Variants in WDR70 observed in about 807,000 individuals in gnomAD.
The protein encoded by WDR70 is WD repeat domain 70.
A neutral mutation model predicts 88.6 loss-of-function variants in WDR70; 53 were observed. That is an observed-to-expected ratio of 0.60 (90% CI 0.48 to 0.75). WDR70 has a LOEUF of 0.75. WDR70 is among the 30% of genes least tolerant of loss of function. The pLI, the probability that WDR70 is intolerant of heterozygous loss-of-function variation, is 0.00. For missense variants in WDR70, 610 were observed against 823.2 expected (o/e 0.74, Z 3.17); for synonymous variants, 280 against 270.0 (o/e 1.04, Z -0.36).
At chr5:37,442,045 T>C (rs1750671133) in intron 6 of WDR70, among the ~76,000 whole-genome samples, 1 of 150,782 alleles carries the variant, frequency 6.6e-6, no homozygotes, top group East Asian at 2.0e-4. Context: ...TTTTTTTTTT[T>C]TTTTTTTTTT....
In WDR70 at chr5:37,514,341, T is replaced by TACATAC. The variant is rs1359785100; in HGVS notation, c.841-2172_841-2171insCATACA. ...ACATTATGGCATATTTAGAACTACA[T>TACATAC]ATATATATATATATATATGTATGTA... On this transcript the variant is annotated intron_variant, in intron 8 of 17. Coordinates refer to ENST00000265107, the MANE Select transcript of WDR70 (RefSeq NM_018034.4). Among the ~76,000 whole-genome samples, 18 of 71,894 alleles carry TACATAC rather than the reference T, an allele frequency of 2.5e-4. 1 individual carries two copies. The highest frequency in any genetic ancestry group is 5.8e-4 in the African/African-American group (17 of 29,552). The allele number at this position is 71,894 out of a possible 152,430, so 47.2% of individuals were successfully genotyped here. A position where few individuals can be genotyped will look rare whatever the true frequency, so the allele number is the denominator to read the frequency against.
At chr5:37,692,077 C>A (rs1746813339) in intron 10 of WDR70, among the ~76,000 whole-genome samples, 1 of 152,166 alleles carries the variant, frequency 6.6e-6, no homozygotes, top group South Asian at 2.1e-4. Flanking sequence ...ACTATAAACA[C>A]CTCTGCACAA....
At chr5:37,410,449 T>C (rs1749491554) in intron 5 of WDR70, among the ~76,000 whole-genome samples, 1 of 152,058 alleles carries the variant, frequency 6.6e-6, no homozygotes, top group African/African-American at 2.4e-5. Flanking sequence ...CCATTTGAAA[T>C]ATAATTTCCT....
chr5:37,617,287 A>T (rs758849699), intron 10 of WDR70, among the ~76,000 whole-genome samples: 2 of 152,320 alleles, frequency 1.3e-5, no homozygotes, highest in East Asian at 1.9e-4. Context: ...TTTCACTGCT[A>T]TATGGTTCAA....
chr5:37,395,067 C>T lies in WDR70; in HGVS notation c.297-1308C>T, dbSNP rs371205125. Among the ~76,000 whole-genome samples, 152 of 152,266 alleles carry T rather than the reference C, an allele frequency of 1.0e-3. 4 individuals carry two copies. The South Asian group carries it at 0.031, about 31-fold the overall frequency. ...AGAACAAAACAGAAATTCGTGCTTT[C>T]CTGGAGCTTACATACCAGAGATACT... On this transcript the variant is annotated intron_variant, in intron 4 of 17. Coordinates refer to ENST00000265107, the MANE Select transcript of WDR70 (RefSeq NM_018034.4).
intron 5 of WDR70, among the ~76,000 whole-genome samples, chr5:37,411,987 G>A (rs1749540566): frequency 2.0e-5 from 3 of 151,160 alleles, no homozygotes. Context: ...ATCTATAATG[G>A]TAATAAAATT....
At chr5:37,475,458 G>A (rs1375224884) in intron 7 of WDR70, among the ~76,000 whole-genome samples, 7 of 151,784 alleles carry the variant, frequency 4.6e-5, no homozygotes, top group Non-Finnish European at 1.0e-4. Flanking sequence ...GGCTGGTCTT[G>A]AACTCCCTAT....
intron 5 of WDR70, among the ~76,000 whole-genome samples, chr5:37,417,419 T>G (rs1254450414): frequency 6.6e-6 from 1 of 152,038 alleles, no homozygotes; most frequent in Admixed American, 6.6e-5. Flanking sequence ...GAGATGGAGT[T>G]TCCTCATATT....
At chr5:37,734,496 A>G (rs1748242261) in intron 17 of WDR70, among the ~76,000 whole-genome samples, 1 of 152,140 alleles carries the variant, frequency 6.6e-6, no homozygotes, top group Non-Finnish European at 1.5e-5. Context: ...CTTATATGCT[A>G]GTAGAGACAG....
At chr5:37,492,256 C>T (rs749078648) in intron 8 of WDR70, among the ~76,000 whole-genome samples, 2 of 152,120 alleles carry the variant, frequency 1.3e-5, no homozygotes, top group Non-Finnish European at 2.9e-5. Flanking sequence ...AGCCTTTTCC[C>T]GTTCCATATT....
Position 37,548,109 on chromosome 5 carries a change from G to A in WDR70, c.917+31519G>A, listed in dbSNP as rs575505777. On this transcript the variant is annotated intron_variant, in intron 9 of 17. Coordinates refer to ENST00000265107, the MANE Select transcript of WDR70 (RefSeq NM_018034.4). ...TGTGAACAGAGCTGCAACAAACATGGGAGTGCAGAAAGCTCTTTGATATTC... is the reference window on the plus strand; with the variant it reads ...TGTGAACAGAGCTGCAACAAACATGAGAGTGCAGAAAGCTCTTTGATATTC... Among the ~76,000 whole-genome samples, 6 of 152,220 alleles carry A rather than the reference G, an allele frequency of 3.9e-5. No homozygotes were observed. In the South Asian group the frequency reaches 1.2e-3, roughly 32 times the overall value.
At chr5:37,564,002 T>C (rs1300072207) in intron 9 of WDR70, among the ~76,000 whole-genome samples, 2 of 140,852 alleles carry the variant, frequency 1.4e-5, no homozygotes, top group African/African-American at 5.3e-5. Context: ...ACTTCCTAGA[T>C]GGGATGGCGG....
At chr5:37,543,240 G>A (rs1007156617) in intron 9 of WDR70, among the ~76,000 whole-genome samples, 1 of 152,090 alleles carries the variant, frequency 6.6e-6, no homozygotes, top group Non-Finnish European at 1.5e-5. Flanking sequence ...TAGCTGGCTG[G>A]TTGATGTGTA....
In WDR70 at chr5:37,691,234, A is replaced by G. The variant is rs562648218; in HGVS notation, c.1093-6421A>G. 4.6e-5 allele frequency among the ~76,000 whole-genome samples: 7 copies of G among 152,346 alleles called. No individual in the cohort carries two copies. In the South Asian group the frequency reaches 1.4e-3, roughly 32 times the overall value. On this transcript the variant is annotated intron_variant, in intron 10 of 17. Transcript: ENST00000265107. Reference sequence around the variant, plus strand: ...TCATAAAGCAAGTCCTTAGAGACCTACAGATACTTAGACTCCCACACATTA... The same window carrying G: ...TCATAAAGCAAGTCCTTAGAGACCTGCAGATACTTAGACTCCCACACATTA...
chr5:37,736,645 G>T (rs1377973145), intron 17 of WDR70, among the ~76,000 whole-genome samples: 1 of 150,672 alleles, frequency 6.6e-6, no homozygotes, highest in African/African-American at 2.4e-5. Flanking sequence ...TTTTGCGGTG[G>T]GGGGGTTGTT....
intron 5 of WDR70, among the ~76,000 whole-genome samples, chr5:37,428,943 C>T (rs1027807051): frequency 1.2e-4 from 19 of 152,274 alleles, no homozygotes; most frequent in African/African-American, 4.3e-4. Context: ...TTAGCTATTC[C>T]AGTAAGTGTG....
intron 9 of WDR70, among the ~76,000 whole-genome samples, chr5:37,583,954 A>G (rs1743293128): frequency 6.6e-6 from 1 of 152,188 alleles, no homozygotes; most frequent in African/African-American, 2.4e-5. Flanking sequence ...TACAAATCCA[A>G]AATTGTTAGG....
chr5:37,526,910 A>G (rs1260744158), intron 9 of WDR70, among the ~76,000 whole-genome samples: 1 of 152,188 alleles, frequency 6.6e-6, no homozygotes, highest in Non-Finnish European at 1.5e-5. Context: ...ATACCTAGGA[A>G]TGCAACTTAC....
intron 9 of WDR70, among the ~76,000 whole-genome samples, chr5:37,566,564 A>G (rs1043312644): frequency 6.6e-6 from 1 of 152,146 alleles, no homozygotes; most frequent in East Asian, 1.9e-4. Context: ...TTTACTTTTA[A>G]AATAAACTTT....
Sources: allele counts gnomAD v4.1 joint callset (sites outside exome capture counted in the v4.1 genomes callset), GRCh38; gene constraint gnomAD v4.1.1; transcripts MANE v1.5; gene names NCBI Gene and HGNC (gene_info 2026-07-23, HGNC 2026-07-21).